HMX1: variants seen among roughly 807,000 people sequenced by gnomAD.
HMX1 encodes the protein homeobox protein HMX1.
HMX1 carries 8 observed loss-of-function variants against 8.9 expected under a neutral mutation model. That is an observed-to-expected ratio of 0.90 (90% CI 0.53 to 1.63). The LOEUF (loss-of-function observed/expected upper bound fraction) is 1.63. Ranked by LOEUF, HMX1 falls within the 40% of genes most tolerant of loss-of-function variation. The probability of loss-of-function intolerance (pLI) is 0.00; values close to 1 mark genes in which losing one functional copy is unlikely to be tolerated. For synonymous variants in HMX1, 311 were observed against 283.4 expected, an observed-to-expected ratio of 1.10 and a Z score of -0.98; for missense variants, 621 against 558.5, an observed-to-expected ratio of 1.11 and a Z score of -1.13.
chr4:8,851,783 C>T (rs1028496791), intron 1 of HMX1, among the ~76,000 whole-genome samples: 13 of 152,260 alleles, frequency 8.5e-5, no homozygotes, highest in Admixed American at 8.5e-4. Flanking sequence ...GACTCTTCCT[C>T]CTGCTTCCCA....
intron 1 of HMX1, among the ~76,000 whole-genome samples, chr4:8,861,853 A>G (rs1253695716): frequency 1.3e-5 from 2 of 152,236 alleles, no homozygotes; most frequent in African/African-American, 4.8e-5. Flanking sequence ...CGAGTGCGTC[A>G]AGGAAGTGCC....
At chr4:8,857,419 G>A (rs1159498467) in intron 1 of HMX1, among the ~76,000 whole-genome samples, 1 of 152,172 alleles carries the variant, frequency 6.6e-6, no homozygotes. Context: ...GGCAGCCTCC[G>A]CTTTCTCCTT....
At chr4:8,867,013 G>A, downstream of HMX1, 2 of 940,462 alleles carry the variant, frequency 2.1e-6, no homozygotes, top group Non-Finnish European at 2.5e-6. Context: ...AGCTTGAGCT[G>A]TCTCTGCCCT....
At position 8,849,032 on chromosome 4, in the gene HMX1, C is replaced by T. The variant is rs968875541; in HGVS notation, c.395-2708G>A. 6.6e-6 allele frequency among the ~76,000 whole-genome samples: 1 copy of T among 152,100 alleles called. No homozygotes were observed. Among genetic ancestry groups the T allele is most frequent in the South Asian group, 2.1e-4 (1 of 4,830 alleles). On this transcript the variant is annotated intron_variant, in intron 1 of 1. Transcript: ENST00000506970. This position sits in a 1 kb window ranked among gnomAD's most constrained non-coding sequence, Gnocchi z 6.6. ...GTGCAGCATCGTGGGGGTGGAGACC[C>T]GGCTGAGGGGGGTGGGCCTCCTCCC...
At chr4:8,860,625 C>G (rs962326552) in intron 1 of HMX1, 2 of 152,352 alleles carry the variant, frequency 1.3e-5, no homozygotes, top group African/African-American at 4.8e-5. Context: ...GGCTAAGACG[C>G]AAGGCGGCCC....
Position 8,868,470 on chromosome 4 carries a change from G to A in HMX1, c.395-125C>T. On this transcript the variant is annotated intron_variant, in intron 1 of 1. Transcript: ENST00000400677. The surrounding 1 kb of genome is among the most constrained non-coding windows in gnomAD (Gnocchi z 4.6). Reference sequence around the variant, plus strand: ...CAAGCAGGAAGACCTTCCAGCACAGGGCTGGGCACCCAGCAGCTCTGGGGA... The same window carrying A: ...CAAGCAGGAAGACCTTCCAGCACAGAGCTGGGCACCCAGCAGCTCTGGGGA... 3 of 743,514 alleles carry A rather than the reference G, an allele frequency of 4.0e-6. No individual in the cohort carries two copies. The highest frequency in any genetic ancestry group is 5.6e-6 in the Non-Finnish European group (3 of 534,792). The allele number at this position is 743,514 out of a possible 1,614,324, so 46.1% of individuals were successfully genotyped here. A position where few individuals can be genotyped will look rare whatever the true frequency, so the allele number is the denominator to read the frequency against.
rs563265594 is a variant in HMX1 at position 8,867,533 on chromosome 4, G to A, written c.*160C>T. On this transcript the variant is annotated 3_prime_UTR_variant, in exon 2 of 2. Transcript: ENST00000400677. ...CATTCTAGAGGCGCTCCCCACAGAA[G>A]CTGAGGCCCGCCCGGCCGCGGCCTG... 12 of 1,186,638 alleles carry A rather than the reference G, an allele frequency of 1.0e-5. No individual in the cohort carries two copies. In the East Asian group the frequency reaches 4.3e-4, roughly 43 times the overall value. The allele number at this position is 1,186,638 out of a possible 1,614,324, so 73.5% of individuals were successfully genotyped here.
chr4:8,863,460 A>G (rs1721897151), downstream of HMX1, among the ~76,000 whole-genome samples: 2 of 152,256 alleles, frequency 1.3e-5, no homozygotes, highest in South Asian at 4.1e-4. Context: ...GAGTGGGCTC[A>G]GAGCCAAGGA....
At chr4:8,863,727 G>A (rs1427762842), downstream of HMX1, among the ~76,000 whole-genome samples, 1 of 152,258 alleles carries the variant, frequency 6.6e-6, no homozygotes, top group Non-Finnish European at 1.5e-5. Flanking sequence ...CCTGGTTGCT[G>A]CCTGCTCTCT....
Position 8,846,988 on chromosome 4 carries a change from TG to T in HMX1, c.395-665del, listed in dbSNP as rs553057485. Among the ~76,000 whole-genome samples the T allele has an allele frequency of 3.3e-5, 5 of 152,344 alleles. No individual in the cohort carries two copies. In the South Asian group the frequency reaches 1.0e-3, roughly 32 times the overall value. ...GGCAGGGTGCCAGCTAGGGGTTCCC[TG>T]TGTGCAAAAGTGACATGGGACACGG... On this transcript the variant is annotated intron_variant, in intron 1 of 1. Transcript: ENST00000506970.
rs995112184 is a variant in HMX1, at chr4:8,871,782, C to T, written c.-168G>A. On this transcript the variant is annotated 5_prime_UTR_variant, in exon 1 of 2. Transcript: ENST00000400677. This position sits in a 1 kb window ranked among gnomAD's most constrained non-coding sequence, Gnocchi z 4.8. ...GCCTCCGCGCCGGGCTGGGCTGGGC[C>T]GGGCCGGGAGCGAGTGCGCGCCGAC... 3.4e-6 allele frequency: 3 copies of T among 893,390 alleles called. No individual in the cohort carries two copies. The highest frequency in any genetic ancestry group is 1.8e-5 in the African/African-American group (1 of 55,268). 55.3% of individuals were successfully genotyped at this position (893,390 alleles called of 1,614,324 possible).
chr4:8,867,843 C>T lies in HMX1; in HGVS notation c.897G>A (p.Pro299=), dbSNP rs1722060796. The T allele has an allele frequency of 4.9e-6, 6 of 1,235,704 alleles. No individual in the cohort carries two copies. Among genetic ancestry groups the T allele is most frequent in the African/African-American group, 3.1e-5 (2 of 63,580 alleles). 76.5% of individuals were successfully genotyped at this position (1,235,704 alleles called of 1,614,324 possible). ...GCGCCAGCGGGAAGGGCAGGGTGGCCGGGGGCCCAGCGGCGGCTGCGGCCG... is the reference window on the plus strand; with the variant it reads ...GCGCCAGCGGGAAGGGCAGGGTGGCTGGGGGCCCAGCGGCGGCTGCGGCCG... The part of the protein sequence containing the change: ...SPPAAAAAGP[P]ATLPFPLAPA... Residue 299 remains proline (P), a synonymous_variant, in exon 2 of 2, where the codon CCG becomes CCA. Transcript: ENST00000400677.
chr4:8,857,247 G>T (rs753100734), intron 1 of HMX1, among the ~76,000 whole-genome samples: 2 of 152,190 alleles, frequency 1.3e-5, no homozygotes, highest in African/African-American at 2.4e-5. Context: ...GGGGTTGGAC[G>T]CCGTCCCCAC....
chr4:8,846,970 T>A (rs961621049), intron 1 of HMX1, among the ~76,000 whole-genome samples: 2 of 152,118 alleles, frequency 1.3e-5, no homozygotes, highest in Non-Finnish European at 1.5e-5. Context: ...GAGGGCAGGG[T>A]GCCAGCTAGG....
chr4:8,857,494 C>A (rs1289923449), intron 1 of HMX1, among the ~76,000 whole-genome samples: 1 of 152,196 alleles, frequency 6.6e-6, no homozygotes, highest in Admixed American at 6.5e-5. Context: ...GTTTCCGCAC[C>A]CGGTGGGGCG....
chr4:8,861,593 A>G (rs936398826), intron 1 of HMX1, among the ~76,000 whole-genome samples: 3 of 152,084 alleles, frequency 2.0e-5, no homozygotes, highest in Non-Finnish European at 2.9e-5. Context: ...GGGACCGCGG[A>G]GCAGCGTAGG....
intron 1 of HMX1, among the ~76,000 whole-genome samples, chr4:8,861,576 G>A (rs1721821561): frequency 6.6e-6 from 1 of 152,202 alleles, no homozygotes; most frequent in African/African-American, 2.4e-5. Flanking sequence ...GAAGAAGACA[G>A]GCGAAGGGGA....
At chr4:8,861,358 C>T (rs903624753) in intron 1 of HMX1, among the ~76,000 whole-genome samples, 27 of 152,314 alleles carry the variant, frequency 1.8e-4, no homozygotes, top group Non-Finnish European at 3.5e-4. Flanking sequence ...GGAGGCCGCG[C>T]TTCCCGCGGC....
chr4:8,850,019 C>T (rs575849013), intron 1 of HMX1, among the ~76,000 whole-genome samples: 116 of 152,300 alleles, frequency 7.6e-4, no homozygotes, highest in African/African-American at 2.7e-3. Flanking sequence ...AGCCCCACAA[C>T]CCCCCTCAGC....
Sources: gnomAD v4.1 joint callset for allele counts (sites outside exome capture counted in the v4.1 genomes callset) on GRCh38, gnomAD v4.1.1 for gene constraint, Gnocchi (gnomAD v3.1) non-coding constraint, MANE v1.5 for transcripts, NCBI Gene and HGNC (gene_info 2026-07-23, HGNC 2026-07-21) for gene names.